The following CYYR1 variants were observed in gnomAD, a reference collection of about 807,000 sequenced individuals.
The protein encoded by CYYR1 is cysteine and tyrosine rich 1, also known as cysteine and tyrosine-rich protein 1.
CYYR1 carries 14 observed loss-of-function variants against 15.2 expected under a neutral mutation model. The observed-to-expected ratio is 0.92, with a 90% CI of 0.61 to 1.44. CYYR1 has a LOEUF of 1.44. CYYR1 is among the 40% of genes most tolerant of loss of function. The pLI is 0.00. For synonymous variants in CYYR1, 80 were observed against 77.4 expected, an observed-to-expected ratio of 1.03 and a Z score of -0.18; for missense variants, 228 against 209.5, an observed-to-expected ratio of 1.09 and a Z score of -0.54.
At chr21:26,511,133 G>A (rs1279002115) in intron 2 of CYYR1, among the ~76,000 whole-genome samples, 1 of 152,170 alleles carries the variant, frequency 6.6e-6, no homozygotes, top group Non-Finnish European at 1.5e-5. Context: ...GTATCCATAT[G>A]TGATAGAGAA....
At chr21:26,541,525 T>C (rs1978548220) in intron 2 of CYYR1, among the ~76,000 whole-genome samples, 1 of 152,128 alleles carries the variant, frequency 6.6e-6, no homozygotes, top group African/African-American at 2.4e-5. Flanking sequence ...AAAAATAGCT[T>C]TCAGAAATAA....
At chr21:26,502,907 T>TA in intron 2 of CYYR1, among the ~76,000 whole-genome samples, 1 of 152,186 alleles carries the variant, frequency 6.6e-6, no homozygotes, top group Non-Finnish European at 1.5e-5. Context: ...CTTATTTACA[T>TA]AAGCTAATTT....
chr21:26,564,237 A>C (rs1462223964), intron 2 of CYYR1, among the ~76,000 whole-genome samples: 1 of 152,136 alleles, frequency 6.6e-6, no homozygotes, highest in East Asian at 1.9e-4. Flanking sequence ...GTTAAACAAT[A>C]ACTGGAAATC....
chr21:26,475,514 C>A (rs1005951562), intron 3 of CYYR1, among the ~76,000 whole-genome samples: 1 of 152,106 alleles, frequency 6.6e-6, no homozygotes, highest in Admixed American at 6.6e-5. Context: ...TCCCTTCTAT[C>A]TTCTGTATTC....
intron 2 of CYYR1, among the ~76,000 whole-genome samples, chr21:26,481,900 C>A (rs1415770578): frequency 6.6e-6 from 1 of 151,908 alleles, no homozygotes; most frequent in African/African-American, 2.4e-5. Context: ...TGAGGTAAAA[C>A]TGCATTTCTA....
intron 2 of CYYR1, among the ~76,000 whole-genome samples, chr21:26,563,894 A>T (rs1373980551): frequency 6.6e-6 from 1 of 152,218 alleles, no homozygotes; most frequent in Non-Finnish European, 1.5e-5. Context: ...TATTTTAAAA[A>T]CAAACAAAAA....
intron 2 of CYYR1, among the ~76,000 whole-genome samples, chr21:26,499,782 T>C (rs770889932): frequency 6.1e-5 from 9 of 148,106 alleles, no homozygotes; most frequent in Non-Finnish European, 8.9e-5. Flanking sequence ...TTTTGAGCAG[T>C]GGAAAGGAAA....
intron 2 of CYYR1, among the ~76,000 whole-genome samples, chr21:26,520,259 G>A (rs1393770734): frequency 6.6e-6 from 1 of 150,610 alleles, no homozygotes; most frequent in African/African-American, 2.5e-5. Context: ...GCCCTGGTAT[G>A]TGTTGTTCCC....
intron 2 of CYYR1, among the ~76,000 whole-genome samples, chr21:26,565,558 CT>C (rs1980554542): frequency 1.3e-5 from 2 of 152,188 alleles, no homozygotes; most frequent in African/African-American, 2.4e-5. Flanking sequence ...CAAGTGCACA[CT>C]TTTCCAGCCG....
At chr21:26,505,483 C>A (rs997214837) in intron 2 of CYYR1, among the ~76,000 whole-genome samples, 2 of 152,180 alleles carry the variant, frequency 1.3e-5, no homozygotes. Context: ...CTCAACCTTG[C>A]TAAGCTTTAA....
intron 1 of CYYR1, among the ~76,000 whole-genome samples, chr21:26,570,655 A>G (rs1399212310): frequency 6.6e-6 from 1 of 152,232 alleles, no homozygotes; most frequent in Admixed American, 6.5e-5. Flanking sequence ...CTTTGGGGAA[A>G]ATAATTTAGA....
chr21:26,489,875 C>A (rs1030632408), intron 2 of CYYR1, among the ~76,000 whole-genome samples: 4 of 152,114 alleles, frequency 2.6e-5, no homozygotes, highest in Non-Finnish European at 5.9e-5. Flanking sequence ...CTCCTGTTCC[C>A]TTTACATGAG....
At chr21:26,481,536 A>G (rs1004958973) in intron 2 of CYYR1, among the ~76,000 whole-genome samples, 2 of 152,096 alleles carry the variant, frequency 1.3e-5, no homozygotes, top group Non-Finnish European at 2.9e-5. Context: ...AGCACCATCC[A>G]TGTGCCTGCA....
At chr21:26,505,259 A>G (rs984550138) in intron 2 of CYYR1, among the ~76,000 whole-genome samples, 6 of 152,198 alleles carry the variant, frequency 3.9e-5, no homozygotes, top group Non-Finnish European at 5.9e-5. Context: ...AAGGTAAATT[A>G]TTTTGAATTA....
At chr21:26,572,609 A>G (rs1183463710) in intron 1 of CYYR1, among the ~76,000 whole-genome samples, 7 of 152,210 alleles carry the variant, frequency 4.6e-5, no homozygotes, top group Non-Finnish European at 8.8e-5. Context: ...TCCCCTAAAC[A>G]CGAGACTGCT....
chr21:26,555,365 T>G (rs1160966400), intron 2 of CYYR1, among the ~76,000 whole-genome samples: 2 of 152,184 alleles, frequency 1.3e-5, no homozygotes, highest in Admixed American at 1.3e-4. Context: ...AAAAAAATGT[T>G]GTATCCACAC....
At chr21:26,567,008 CAAAAAA>C (rs71183563) in intron 1 of CYYR1, among the ~76,000 whole-genome samples, 12 of 129,730 alleles carry the variant, frequency 9.2e-5, no homozygotes, top group Admixed American at 1.5e-4. Flanking sequence ...GGCTCTGTCT[CAAAAAA>C]AAAAAAAAAA....
At chr21:26,561,425 G>A (rs1980192555) in intron 2 of CYYR1, among the ~76,000 whole-genome samples, 1 of 151,802 alleles carries the variant, frequency 6.6e-6, no homozygotes, top group Non-Finnish European at 1.5e-5. Context: ...ATGATCATAG[G>A]ACCTCAAATG....
intron 3 of CYYR1, among the ~76,000 whole-genome samples, chr21:26,474,057 T>C (rs952119708): frequency 1.5e-4 from 23 of 150,752 alleles, no homozygotes; most frequent in African/African-American, 4.4e-4. Flanking sequence ...CGTTTTTTTT[T>C]TTTTTTTGAG....
Sources: gnomAD v4.1 joint callset for allele counts (sites outside exome capture counted in the v4.1 genomes callset) on GRCh38, gnomAD v4.1.1 for gene constraint, MANE v1.5 for transcripts, NCBI Gene and HGNC (gene_info 2026-07-23, HGNC 2026-07-21) for gene names.